PPP4R4: variants seen among roughly 807,000 people sequenced by gnomAD.
PPP4R4 encodes serine/threonine-protein phosphatase 4 regulatory subunit 4.
PPP4R4 carries 70 observed loss-of-function variants against 121.8 expected under a neutral mutation model. That is an observed-to-expected ratio of 0.57 (90% confidence interval 0.47 to 0.70). PPP4R4 has a LOEUF of 0.70. Ranked by LOEUF, PPP4R4 falls within the 30% of genes least tolerant of loss-of-function variation. PPP4R4 has a pLI of 0.00. For synonymous variants in PPP4R4, 348 were observed against 355.7 expected (o/e 0.98, Z 0.24); for missense variants, 875 against 1,033.6 (o/e 0.85, Z 2.10).
At chr14:94,221,812 A>G (rs1891413982) in intron 3 of PPP4R4, among the ~76,000 whole-genome samples, 1 of 152,084 alleles carries the variant, frequency 6.6e-6, no homozygotes, top group South Asian at 2.1e-4. Context: ...AAATTTAAAT[A>G]TACATCTACT....
At chr14:94,257,225 A>G (rs1332204960) in intron 17 of PPP4R4, among the ~76,000 whole-genome samples, 1 of 152,068 alleles carries the variant, frequency 6.6e-6, no homozygotes, top group Admixed American at 6.5e-5. Context: ...TGTTGGAAAA[A>G]CTAAACAGTA....
At chr14:94,241,697 C>A in intron 9 of PPP4R4, 91 bp from the exon 10 acceptor site, 2 of 953,372 alleles carry the variant, frequency 2.1e-6, no homozygotes, top group Non-Finnish European at 3.1e-6. Context: ...AAGTATTTGG[C>A]TCCAATTATA....
intron 3 of PPP4R4, among the ~76,000 whole-genome samples, chr14:94,214,741 A>G (rs1387049565): frequency 2.6e-5 from 4 of 152,180 alleles, no homozygotes; most frequent in African/African-American, 9.7e-5. Flanking sequence ...GTGAACAAAC[A>G]ACACAGATTG....
At chr14:94,237,339 T>C (rs1892398117) in intron 7 of PPP4R4, among the ~76,000 whole-genome samples, 1 of 152,214 alleles carries the variant, frequency 6.6e-6, no homozygotes, top group South Asian at 2.1e-4. Flanking sequence ...AACAATATTA[T>C]GCTGGAGGAA....
intron 2 of PPP4R4, among the ~76,000 whole-genome samples, chr14:94,177,306 T>G (rs1275246500): frequency 1.3e-5 from 2 of 152,230 alleles, no homozygotes; most frequent in Non-Finnish European, 2.9e-5. Context: ...CTCTCATCAT[T>G]TCTATTTACT....
chr14:94,239,212 A>AT (rs1269091235), intron 8 of PPP4R4, among the ~76,000 whole-genome samples: 2 of 123,336 alleles, frequency 1.6e-5, no homozygotes, highest in Non-Finnish European at 3.5e-5. Context: ...TTTTTTTATT[A>AT]TTATAGTTTA....
At chr14:94,234,335 C>A (rs1258205475) in intron 6 of PPP4R4, among the ~76,000 whole-genome samples, 1 of 152,118 alleles carries the variant, frequency 6.6e-6, no homozygotes, top group Admixed American at 6.5e-5. Context: ...AACTGCCAAT[C>A]CAAAATTAAC....
At chr14:94,278,028 A>T (rs1284427260) in intron 24 of PPP4R4, among the ~76,000 whole-genome samples, 1 of 152,234 alleles carries the variant, frequency 6.6e-6, no homozygotes, top group African/African-American at 2.4e-5. Context: ...GATGATATCC[A>T]CATTGGTCTT....
intron 23 of PPP4R4, among the ~76,000 whole-genome samples, chr14:94,272,204 A>G (rs1331585192): frequency 6.6e-6 from 1 of 152,220 alleles, no homozygotes; most frequent in Non-Finnish European, 1.5e-5. Context: ...AATAGCCAAC[A>G]TGATAATGAA....
Position 94,273,909 on chromosome 14 carries a change from A to G in PPP4R4, c.2450-1465A>G, listed in dbSNP as rs144772795. Among the ~76,000 whole-genome samples, 256 of 152,216 alleles carry G rather than the reference A, an allele frequency of 1.7e-3. 1 individual carries two copies. The highest frequency in any genetic ancestry group is 5.8e-3 in the African/African-American group (239 of 41,548). ...ATACAAGTTCAGTTTTATTACATGG[A>G]TATATTACACAGTGGTTAAGTCTGG... is the stretch of plus-strand genomic sequence containing the variant. On this transcript the variant is annotated intron_variant, in intron 23 of 24. Transcript: ENST00000304338.
chr14:94,205,413 A>G (rs1890407005), intron 2 of PPP4R4, among the ~76,000 whole-genome samples: 1 of 151,968 alleles, frequency 6.6e-6, no homozygotes, highest in Non-Finnish European at 1.5e-5. Context: ...GTTGTTGGTA[A>G]TTCATGTCTT....
chr14:94,213,396 A>G (rs898497835), intron 3 of PPP4R4, among the ~76,000 whole-genome samples: 1 of 152,208 alleles, frequency 6.6e-6, no homozygotes, highest in African/African-American at 2.4e-5. Flanking sequence ...AGCATCAATC[A>G]TATCTTGTCT....
At chr14:94,230,161 A>G (rs1394622839) in intron 3 of PPP4R4, among the ~76,000 whole-genome samples, 1 of 152,176 alleles carries the variant, frequency 6.6e-6, no homozygotes, top group Non-Finnish European at 1.5e-5. Flanking sequence ...AGAATGTATG[A>G]TGTTTATTTT....
At chr14:94,223,821 C>T (rs1029390064) in intron 3 of PPP4R4, among the ~76,000 whole-genome samples, 2 of 152,084 alleles carry the variant, frequency 1.3e-5, no homozygotes, top group African/African-American at 2.4e-5. Context: ...ATGAGATTAA[C>T]CCCAACATTT....
intron 3 of PPP4R4, among the ~76,000 whole-genome samples, chr14:94,222,733 T>C (rs1481338963): frequency 2.0e-5 from 3 of 152,082 alleles, no homozygotes; most frequent in Non-Finnish European, 4.4e-5. Context: ...ATCTGTAGAT[T>C]TCTAGAAATA....
At chr14:94,227,203 C>T (rs1300438776) in intron 3 of PPP4R4, 1 of 1,104,106 alleles carries the variant, frequency 9.1e-7, no homozygotes, top group East Asian at 2.5e-5. Context: ...GCCAGCCGTA[C>T]AATAGTAATG....
At chr14:94,219,656 G>T (rs1262920685) in intron 3 of PPP4R4, among the ~76,000 whole-genome samples, 4 of 152,142 alleles carry the variant, frequency 2.6e-5, no homozygotes, top group Non-Finnish European at 4.4e-5. Context: ...ACTAGTCAGG[G>T]TTTATCTCAG....
At chr14:94,267,092 A>G (rs903060584) in intron 23 of PPP4R4, 63 bp downstream of exon 23, 1 of 1,153,386 alleles carries the variant, frequency 8.7e-7, no homozygotes, top group East Asian at 2.4e-5. Flanking sequence ...TTTTCCTTAA[A>G]TGACCTATTT....
intron 24 of PPP4R4, among the ~76,000 whole-genome samples, chr14:94,277,714 T>TTCACTGTTGAGCATGC (rs1301181387): frequency 1.3e-5 from 2 of 152,228 alleles, no homozygotes; most frequent in Non-Finnish European, 2.9e-5. Flanking sequence ...TATCTGTTGT[T>TTCACTGTTGAGCATGC]TCACTGTTGA....
Sources: allele counts gnomAD v4.1 joint callset (sites outside exome capture counted in the v4.1 genomes callset), GRCh38; gene constraint gnomAD v4.1.1; transcripts MANE v1.5; gene names NCBI Gene and HGNC (gene_info 2026-07-23, HGNC 2026-07-21).